FUT9: variants seen among roughly 807,000 people sequenced by gnomAD.
The protein encoded by FUT9 is fucosyltransferase 9, also known as 4-galactosyl-N-acetylglucosaminide 3-alpha-L-fucosyltransferase 9.
Under a neutral mutation model 29.7 loss-of-function variants are expected in FUT9, and 15 were observed. That is an observed-to-expected ratio of 0.51 (90% CI 0.34 to 0.78). The LOEUF (loss-of-function observed/expected upper bound fraction) is 0.78, where lower values mean the gene tolerates loss of function less well. Among genes scored for constraint, FUT9 ranks in the 30% least tolerant of loss-of-function variants. The probability of loss-of-function intolerance (pLI) is 0.01; values close to 1 mark genes in which losing one functional copy is unlikely to be tolerated. For synonymous variants in FUT9, 169 were observed against 153.7 expected, an observed-to-expected ratio of 1.10 and a Z score of -0.74; for missense variants, 319 against 425.4, an observed-to-expected ratio of 0.75 and a Z score of 2.20.
At chr6:96,017,914 T>C (rs533723677) in intron 1 of FUT9, among the ~76,000 whole-genome samples, 29 of 152,304 alleles carry the variant, frequency 1.9e-4, no homozygotes, top group Non-Finnish European at 3.1e-4. Flanking sequence ...ATTTGTTAGT[T>C]AATATTGCCT....
At chr6:96,167,792 G>A (rs942024006) in intron 2 of FUT9, among the ~76,000 whole-genome samples, 7 of 152,188 alleles carry the variant, frequency 4.6e-5, no homozygotes, top group African/African-American at 1.7e-4. Flanking sequence ...AGAGAAGAGT[G>A]CTCCAGGTAG....
chr6:96,096,859 G>A (rs9386312), intron 1 of FUT9, among the ~76,000 whole-genome samples: 103,451 of 151,740 alleles, frequency 0.68, 36,783 homozygotes, highest in East Asian at 0.84. Flanking sequence ...GTTTTTATTC[G>A]TTTCTTGTTT....
At chr6:96,163,041 G>A (rs1772942279) in intron 2 of FUT9, among the ~76,000 whole-genome samples, 2 of 152,118 alleles carry the variant, frequency 1.3e-5, no homozygotes, top group Non-Finnish European at 1.5e-5. Context: ...AGCCTGGAGA[G>A]GATTTTGGCT....
intron 1 of FUT9, among the ~76,000 whole-genome samples, chr6:96,075,772 CTT>C (rs1330615731): frequency 6.6e-6 from 1 of 152,108 alleles, no homozygotes; most frequent in African/African-American, 2.4e-5. Flanking sequence ...TTTATGTCAA[CTT>C]AAGTTCACTG....
intron 1 of FUT9, among the ~76,000 whole-genome samples, chr6:96,040,097 A>C (rs529058923): frequency 1.3e-5 from 2 of 152,242 alleles, no homozygotes; most frequent in Non-Finnish European, 1.5e-5. Context: ...ACATTATATA[A>C]AATTTTTAAA....
At chr6:96,108,547 C>A (rs910052809) in intron 1 of FUT9, among the ~76,000 whole-genome samples, 1 of 152,050 alleles carries the variant, frequency 6.6e-6, no homozygotes, top group Non-Finnish European at 1.5e-5. Context: ...TTATTATTAG[C>A]GTTAATGAGA....
At chr6:96,174,526 A>G (rs1320699147) in intron 2 of FUT9, among the ~76,000 whole-genome samples, 1 of 152,130 alleles carries the variant, frequency 6.6e-6, no homozygotes, top group East Asian at 1.9e-4. Context: ...GTACAGCAAT[A>G]CTTGCAGGCA....
intron 1 of FUT9, among the ~76,000 whole-genome samples, chr6:96,018,075 G>A (rs1041375962): frequency 5.3e-5 from 8 of 152,236 alleles, no homozygotes; most frequent in East Asian, 1.9e-4. Context: ...GTGGATAGCC[G>A]CATTAAAAGT....
chr6:96,135,028 G>C (rs1166637561), intron 2 of FUT9, among the ~76,000 whole-genome samples: 1 of 151,902 alleles, frequency 6.6e-6, no homozygotes, highest in East Asian at 1.9e-4. Flanking sequence ...AAAAGGTGCA[G>C]GTTGCTGTAT....
intron 1 of FUT9, among the ~76,000 whole-genome samples, chr6:96,091,783 T>G (rs1771415433): frequency 6.6e-6 from 1 of 152,106 alleles, no homozygotes; most frequent in Non-Finnish European, 1.5e-5. Flanking sequence ...CTCATCAATT[T>G]GGAAATTTTC....
intron 2 of FUT9, among the ~76,000 whole-genome samples, chr6:96,122,156 G>C (rs1412631018): frequency 6.6e-6 from 1 of 152,058 alleles, no homozygotes; most frequent in African/African-American, 2.4e-5. Context: ...GAAATTTTAG[G>C]GGAAATTAAA....
chr6:96,045,549 AC>A (rs1488772904), intron 1 of FUT9, among the ~76,000 whole-genome samples: 1 of 152,250 alleles, frequency 6.6e-6, no homozygotes, highest in Non-Finnish European at 1.5e-5. Context: ...TGTTTAAATT[AC>A]CTAAGTATCC....
rs1275357550 is a variant in FUT9 at position 96,041,143 on chromosome 6, GTATT to G, written c.-98+24934_-98+24937del. 2.0e-5 allele frequency among the ~76,000 whole-genome samples: 3 copies of G among 151,342 alleles called. No individual in the cohort carries two copies. The East Asian group carries it at 5.8e-4, about 29-fold the overall frequency. On this transcript the variant is annotated intron_variant, in intron 1 of 2. Transcript: ENST00000302103. ...TCTTGCAAAACACGACTTTGTACAT[GTATT>G]TACACATCAGTGTCTTCCCCATCTA...
intron 1 of FUT9, among the ~76,000 whole-genome samples, chr6:96,039,381 A>G (rs1005484652): frequency 2.0e-5 from 3 of 152,112 alleles, no homozygotes; most frequent in Admixed American, 2.0e-4. Context: ...CTTACTACCT[A>G]TACTACCTAC....
chr6:96,147,247 C>CA (rs35407374), intron 2 of FUT9, among the ~76,000 whole-genome samples: 21,966 of 151,510 alleles, frequency 0.14, 1,782 homozygotes, highest in Non-Finnish European at 0.18. Flanking sequence ...CTGCAACCTC[C>CA]ACCTTCCGGG....
At chr6:96,087,539 GTAGT>G (rs1173275007) in intron 1 of FUT9, among the ~76,000 whole-genome samples, 2 of 151,754 alleles carry the variant, frequency 1.3e-5, no homozygotes, top group Non-Finnish European at 2.9e-5. Flanking sequence ...GCTAATTTTT[GTAGT>G]TTTAGTAGAG....
At chr6:96,058,879 G>T (rs191949658) in intron 1 of FUT9, among the ~76,000 whole-genome samples, 30 of 152,110 alleles carry the variant, frequency 2.0e-4, no homozygotes, top group African/African-American at 7.2e-4. Flanking sequence ...AAGAAACAAG[G>T]TACAAAAATT....
chr6:96,137,403 G>A (rs1006006334), intron 2 of FUT9, among the ~76,000 whole-genome samples: 4 of 152,054 alleles, frequency 2.6e-5, no homozygotes, highest in African/African-American at 7.2e-5. Flanking sequence ...GTGTCATACA[G>A]AAGAATTCCC....
At chr6:96,141,200 C>T (rs183447269) in intron 2 of FUT9, among the ~76,000 whole-genome samples, 14 of 152,210 alleles carry the variant, frequency 9.2e-5, no homozygotes, top group Middle Eastern at 3.4e-3. Context: ...ATTTTTATTA[C>T]TGTTTTTATA....
Sources: allele counts gnomAD v4.1 joint callset (sites outside exome capture counted in the v4.1 genomes callset), GRCh38; gene constraint gnomAD v4.1.1; transcripts MANE v1.5; gene names NCBI Gene and HGNC (gene_info 2026-07-23, HGNC 2026-07-21).